The following EDNRA variants were observed in gnomAD, a reference collection of about 807,000 sequenced individuals.
The protein encoded by EDNRA is endothelin receptor type A.
Under a neutral mutation model 41.4 loss-of-function variants are expected in EDNRA, and 11 were observed. The observed-to-expected ratio is 0.27, with a 90% CI of 0.17 to 0.44. The LOEUF (loss-of-function observed/expected upper bound fraction) is 0.44, where lower values mean the gene tolerates loss of function less well. EDNRA is among the 20% of genes least tolerant of loss of function. EDNRA has a pLI of 1.00. For missense variants in EDNRA, 294 were observed against 531.0 expected, an observed-to-expected ratio of 0.55 and a Z score of 4.39; for synonymous variants, 172 against 183.0, an observed-to-expected ratio of 0.94 and a Z score of 0.49.
At chr4:147,495,357 A>T (rs1330794864) in intron 2 of EDNRA, 2 of 152,236 alleles carry the variant, frequency 1.3e-5, no homozygotes, top group Non-Finnish European at 2.9e-5. Flanking sequence ...GAAGAAAATC[A>T]TTTCCTTTAT....
At chr4:147,484,608 C>T (rs935994686) in intron 1 of EDNRA, among the ~76,000 whole-genome samples, 3 of 152,122 alleles carry the variant, frequency 2.0e-5, no homozygotes, top group Non-Finnish European at 4.4e-5. Context: ...GTACTGAGTA[C>T]AGTGACTGGC....
chr4:147,482,561 C>T (rs1213443774), intron 1 of EDNRA, among the ~76,000 whole-genome samples: 3 of 152,184 alleles, frequency 2.0e-5, no homozygotes, highest in African/African-American at 7.2e-5. Context: ...TGAGGGGCTT[C>T]TTTCATTTGG....
In EDNRA at chr4:147,544,692, A is replaced by G. The variant is rs199662543; in HGVS notation, c.*2074A>G. The G allele has an allele frequency of 6.6e-6, 1 of 152,482 alleles. No individual in the cohort carries two copies. The highest frequency in any genetic ancestry group is 1.5e-5 in the Non-Finnish European group (1 of 68,028). The allele number at this position is 152,482 out of a possible 1,614,324, so 9.4% of individuals were successfully genotyped here. A position where few individuals can be genotyped will look rare whatever the true frequency, so the allele number is the denominator to read the frequency against. ...AGGTTCACACCATTTTGTTTAGACA[A>G]TTGTCTTTTTTTCAAGATGCTTTGT... On this transcript the variant is annotated 3_prime_UTR_variant, in exon 8 of 8. Transcript: ENST00000651419.
intron 2 of EDNRA, chr4:147,495,332 C>G (rs1560896184): frequency 1.3e-5 from 2 of 152,204 alleles, no homozygotes; most frequent in Non-Finnish European, 2.9e-5. Flanking sequence ...AATAGATTTT[C>G]AAAGACTGTT....
In EDNRA at chr4:147,532,515, A is replaced by G; in HGVS notation, c.558A>G (p.Ala186=). The change falls in exon 4 of 8, where the codon GCA becomes GCG. Residue 186 remains alanine (A), a synonymous_variant. Transcript: ENST00000651419. The stretch of plus-strand genomic sequence containing the variant: ...TTACCCTTTTTTTCAGGTACAGAGC[A>G]GTTGCCTCCTGGAGTCGTGTTCAGG... The part of the protein sequence containing the change: ...LCALSVDRYR[A]VASWSRVQGI... The G allele has an allele frequency of 6.2e-7, 1 of 1,614,008 alleles. No individual in the cohort carries two copies. Among genetic ancestry groups the G allele is most frequent in the South Asian group, 1.1e-5 (1 of 91,076 alleles).
intron 3 of EDNRA, chr4:147,520,463 G>A (rs750714338): frequency 4.6e-5 from 24 of 519,000 alleles, no homozygotes; most frequent in South Asian, 2.1e-4. Flanking sequence ...TGCAACACCA[G>A]AAGCATCCCT....
In EDNRA at chr4:147,507,252, GT is replaced by G. The variant is rs1454326269; in HGVS notation, c.421-12596del. Among the ~76,000 whole-genome samples, 90 of 151,770 alleles carry G rather than the reference GT, an allele frequency of 5.9e-4. 1 individual carries two copies. In the Middle Eastern group the frequency reaches 0.021, roughly 35 times the overall value. On this transcript the variant is annotated intron_variant, in intron 2 of 7. Coordinates refer to ENST00000651419, the MANE Select transcript of EDNRA (RefSeq NM_001957.4). ...ACCCTGTACATTAACACTCACAGTAGTTTCACCTGTAATAGCCAAACCCTGA... is the reference window on the plus strand; with the variant it reads ...ACCCTGTACATTAACACTCACAGTAGTTCACCTGTAATAGCCAAACCCTGA...
intron 2 of EDNRA, among the ~76,000 whole-genome samples, chr4:147,505,213 A>AT: frequency 8.1e-6 from 1 of 123,206 alleles, no homozygotes; most frequent in African/African-American, 3.8e-5. Flanking sequence ...AAAAAAAAAA[A>AT]AAAGAGAGAG....
chr4:147,500,744 A>T (rs1729490823), intron 2 of EDNRA, among the ~76,000 whole-genome samples: 2 of 80,140 alleles, frequency 2.5e-5, no homozygotes. Context: ...GGATGGAGGT[A>T]AAAAAAAAAA....
In EDNRA at chr4:147,542,845, A is replaced by T; in HGVS notation, c.*227A>T. ...CTAATTTACATATTCTGCGTGTTGT[A>T]TTCAGCACTAAAAAATGGTGGGAGC... On this transcript the variant is annotated 3_prime_UTR_variant, in exon 8 of 8. Coordinates refer to ENST00000651419, the MANE Select transcript of EDNRA (RefSeq NM_001957.4). 2.2e-6 allele frequency: 1 copy of T among 450,172 alleles called. No individual in the cohort carries two copies. Among genetic ancestry groups the T allele is most frequent in the Non-Finnish European group, 3.8e-6 (1 of 262,090 alleles). The allele number at this position is 450,172 out of a possible 1,614,324, so 27.9% of individuals were successfully genotyped here. A position where few individuals can be genotyped will look rare whatever the true frequency, so the allele number is the denominator to read the frequency against.
intron 2 of EDNRA, among the ~76,000 whole-genome samples, chr4:147,517,000 A>AT (rs1413916928): frequency 6.6e-6 from 1 of 152,018 alleles, no homozygotes; most frequent in Non-Finnish European, 1.5e-5. Flanking sequence ...TTGTAAAAAA[A>AT]AAAAGCATAT....
In EDNRA at chr4:147,532,634, T is replaced by C; in HGVS notation, c.677T>C (p.Met226Thr). 1 of 1,614,178 alleles carries C rather than the reference T, an allele frequency of 6.2e-7. No individual in the cohort carries two copies. The highest frequency in any genetic ancestry group is 8.5e-7 in the Non-Finnish European group (1 of 1,180,034). ...LAIPEAIGFV[M>T]VPFEYRGEQH... ...ATTCCTGAAGCGATTGGCTTCGTCATGGTACCCTTTGAATATAGGGGTGAA... is the reference window on the plus strand; with the variant it reads ...ATTCCTGAAGCGATTGGCTTCGTCACGGTACCCTTTGAATATAGGGGTGAA... The change falls in exon 4 of 8, where the codon ATG (methionine) becomes ACG (threonine). Residue 226 changes from methionine to threonine, a missense_variant. Transcript: ENST00000651419.
intron 3 of EDNRA, among the ~76,000 whole-genome samples, chr4:147,521,771 T>C (rs1730328177): frequency 6.6e-6 from 1 of 152,234 alleles, no homozygotes; most frequent in Admixed American, 6.5e-5. Flanking sequence ...TTAAATTTTT[T>C]AGTTATAACT....
rs919967883 is a variant in EDNRA, at chr4:147,519,611, T to C, written c.421-240T>C. On this transcript the variant is annotated intron_variant, in intron 2 of 7. Transcript: ENST00000651419. This position sits in a 1 kb window ranked among gnomAD's most constrained non-coding sequence, Gnocchi z 4.1. ...TGTATTAAATATATATCACAATATA[T>C]TCATGTTACTACATATTAATAATAA... Among the ~76,000 whole-genome samples the C allele has an allele frequency of 8.6e-5, 13 of 150,536 alleles. No individual in the cohort carries two copies. The highest frequency in any genetic ancestry group is 3.2e-4 in the African/African-American group (13 of 41,226).
intron 3 of EDNRA, among the ~76,000 whole-genome samples, chr4:147,531,142 T>C (rs889752436): frequency 6.6e-6 from 1 of 152,112 alleles, no homozygotes; most frequent in Non-Finnish European, 1.5e-5. Flanking sequence ...AAGTAAAAAA[T>C]AGGGTGAGCA....
intron 3 of EDNRA, among the ~76,000 whole-genome samples, chr4:147,520,994 C>T (rs145066413): frequency 3.2e-3 from 485 of 152,266 alleles, no homozygotes; most frequent in African/African-American, 0.011. Flanking sequence ...CGGTGGCTCA[C>T]ACCTGTAATC....
chr4:147,483,856 A>G (rs947741603), intron 1 of EDNRA, among the ~76,000 whole-genome samples: 2 of 151,812 alleles, frequency 1.3e-5, no homozygotes, highest in Non-Finnish European at 2.9e-5. Flanking sequence ...AGTAGCTGAG[A>G]CTACAGGCAC....
intron 2 of EDNRA, among the ~76,000 whole-genome samples, chr4:147,509,457 TGA>T (rs1729842513): frequency 6.6e-6 from 1 of 152,192 alleles, no homozygotes; most frequent in African/African-American, 2.4e-5. Flanking sequence ...CATACAACAC[TGA>T]GAGAACCAGT....
chr4:147,541,617 G>C (rs1731106303), intron 7 of EDNRA, among the ~76,000 whole-genome samples: 1 of 152,206 alleles, frequency 6.6e-6, no homozygotes, highest in African/African-American at 2.4e-5. Context: ...ATTAGGGACA[G>C]AGTAGAGAGG....
Sources: allele counts gnomAD v4.1 joint callset (sites outside exome capture counted in the v4.1 genomes callset), GRCh38; gene constraint gnomAD v4.1.1; non-coding constraint Gnocchi (gnomAD v3.1); transcripts MANE v1.5; gene names NCBI Gene and HGNC (gene_info 2026-07-23, HGNC 2026-07-21).